The following TUSC3 variants were observed in gnomAD, a reference collection of about 807,000 sequenced individuals.
TUSC3 encodes dolichyl-diphosphooligosaccharide--protein glycosyltransferase subunit TUSC3.
In TUSC3, 45 loss-of-function variants were observed where a neutral mutation model predicts 44.8. The ratio of observed to expected loss-of-function variants is 1.00; its 90% CI spans 0.79 to 1.29. The LOEUF is 1.29. Among genes scored for constraint, TUSC3 ranks in the 50% most tolerant of loss-of-function variants. TUSC3 has a pLI of 0.00. For synonymous variants in TUSC3, 212 were observed against 152.9 expected (o/e 1.39, Z -2.85); for missense variants, 519 against 437.9 (o/e 1.19, Z -1.65).
At chr8:15,524,298 C>G (rs1363698873) in intron 2 of TUSC3, among the ~76,000 whole-genome samples, 1 of 151,932 alleles carries the variant, frequency 6.6e-6, no homozygotes, top group Non-Finnish European at 1.5e-5. Context: ...TACAAACCAA[C>G]CAGCCATAAT....
intron 2 of TUSC3, among the ~76,000 whole-genome samples, chr8:15,625,200 A>G (rs1805444615): frequency 6.6e-6 from 1 of 152,040 alleles, no homozygotes; most frequent in Non-Finnish European, 1.5e-5. Flanking sequence ...ATACTATTTA[A>G]TTGTGTCATA....
At chr8:15,545,632 C>T (rs895273343) in intron 1 of TUSC3, among the ~76,000 whole-genome samples, 1 of 151,640 alleles carries the variant, frequency 6.6e-6, no homozygotes, top group Admixed American at 6.6e-5. Context: ...AGAACATTTT[C>T]AGGGTATTTT....
chr8:15,613,209 A>G (rs950485602), intron 1 of TUSC3, among the ~76,000 whole-genome samples: 11 of 149,574 alleles, frequency 7.4e-5, no homozygotes, highest in African/African-American at 2.7e-4. Context: ...GGACAATGGG[A>G]TTCATGTAAC....
intron 2 of TUSC3, among the ~76,000 whole-genome samples, chr8:15,625,087 A>C (rs568410450): frequency 4.7e-4 from 72 of 152,266 alleles, no homozygotes; most frequent in Non-Finnish European, 8.5e-4. Context: ...GCATTAAAAA[A>C]ATTTTTTTTG....
At chr8:15,744,011 C>T (rs1054257453) in intron 8 of TUSC3, among the ~76,000 whole-genome samples, 1 of 152,128 alleles carries the variant, frequency 6.6e-6, no homozygotes, top group Non-Finnish European at 1.5e-5. Context: ...GCGCTCAAAG[C>T]GTGACTTAGA....
chr8:15,424,499 C>T (rs536063815), intron 1 of TUSC3, among the ~76,000 whole-genome samples: 6 of 152,254 alleles, frequency 3.9e-5, no homozygotes, highest in African/African-American at 1.4e-4. Context: ...CTGAGATTAA[C>T]GTTTCTGGGC....
At position 15,735,877 on chromosome 8, in the gene TUSC3, T is replaced by TG. The variant is rs35590102; in HGVS notation, c.862+5148_862+5149insG. On this transcript the variant is annotated intron_variant, in intron 7 of 10. Transcript: ENST00000503731. ...GCCACACCCGGCTAATGGGTTTTTTTTTTTTGTTTTTTTGGTTTTTTTTTG... is the reference window on the plus strand; with the variant it reads ...GCCACACCCGGCTAATGGGTTTTTTTGTTTTTGTTTTTTTGGTTTTTTTTTG... 9.1e-3 allele frequency among the ~76,000 whole-genome samples: 107 copies of TG among 11,802 alleles called. 1 individual carries two copies. The highest frequency in any genetic ancestry group is 0.034 in the African/African-American group (104 of 3,064). The allele number at this position is 11,802 out of a possible 152,430, so 7.7% of individuals were successfully genotyped here.
At chr8:15,729,206 A>T (rs974225030) in intron 6 of TUSC3, among the ~76,000 whole-genome samples, 7 of 152,220 alleles carry the variant, frequency 4.6e-5, no homozygotes, top group Non-Finnish European at 7.3e-5. Context: ...TATGTTAGTC[A>T]GTGATGTAAA....
downstream of TUSC3, among the ~76,000 whole-genome samples, chr8:15,771,178 T>C (rs55698643): frequency 0.2 from 30,306 of 152,170 alleles, 3,946 homozygotes; most frequent in Non-Finnish European, 0.29. Context: ...AAGGATAAAG[T>C]AGTACCTTCC....
intron 1 of TUSC3, among the ~76,000 whole-genome samples, chr8:15,591,261 A>G (rs1190432787): frequency 6.6e-6 from 1 of 152,176 alleles, no homozygotes; most frequent in Non-Finnish European, 1.5e-5. Flanking sequence ...TTTTATTAAA[A>G]TAGTTTTTCA....
At chr8:15,734,891 T>C (rs1350066166) in intron 7 of TUSC3, among the ~76,000 whole-genome samples, 1 of 152,082 alleles carries the variant, frequency 6.6e-6, no homozygotes, top group Non-Finnish European at 1.5e-5. Flanking sequence ...TTTGAGGAGA[T>C]TGGTGAAAGT....
At chr8:15,596,741 T>C (rs1215440548) in intron 1 of TUSC3, among the ~76,000 whole-genome samples, 1 of 152,164 alleles carries the variant, frequency 6.6e-6, no homozygotes, top group Admixed American at 6.6e-5. Flanking sequence ...TCAGAGAATT[T>C]ATGTTGCTGA....
rs568172876 is a variant in TUSC3, at chr8:15,465,039, A to G, written n.92-18347A>G. ...TAATTTTTGTATTTTTAGTAGAGACAGAGTTTCACTATGTTGGCCAGGATG... is the reference window on the plus strand; with the variant it reads ...TAATTTTTGTATTTTTAGTAGAGACGGAGTTTCACTATGTTGGCCAGGATG... On this transcript the variant is annotated intron_variant and non_coding_transcript_variant, in intron 1 of 5. Coordinates refer to the TUSC3 transcript ENST00000503191. 1.6e-4 allele frequency among the ~76,000 whole-genome samples: 25 copies of G among 152,246 alleles called. 1 individual carries two copies. Among genetic ancestry groups the G allele is most frequent in the African/African-American group, 5.1e-4 (21 of 41,546 alleles).
chr8:15,641,126 C>T (rs1029631985), intron 2 of TUSC3, among the ~76,000 whole-genome samples: 13 of 151,740 alleles, frequency 8.6e-5, no homozygotes, highest in East Asian at 1.9e-4. Flanking sequence ...TTTGGGAGGC[C>T]GAGGTGGGCA....
chr8:15,607,957 G>C (rs963776318), intron 1 of TUSC3, among the ~76,000 whole-genome samples: 16 of 152,092 alleles, frequency 1.1e-4, no homozygotes, highest in Non-Finnish European at 2.2e-4. Context: ...TAATTTACCT[G>C]AACTGGAATA....
intron 2 of TUSC3, among the ~76,000 whole-genome samples, chr8:15,500,373 A>C (rs570955950): frequency 6.6e-6 from 1 of 152,190 alleles, no homozygotes; most frequent in Non-Finnish European, 1.5e-5. Flanking sequence ...ATTACCACCA[A>C]AGGTCCCATA....
chr8:15,672,380 A>G (rs928332229), intron 5 of TUSC3, among the ~76,000 whole-genome samples: 4 of 152,020 alleles, frequency 2.6e-5, no homozygotes, highest in South Asian at 2.1e-4. Context: ...GACTTGCTCA[A>G]TGTTTAAATG....
the TUSC3 span, among the ~76,000 whole-genome samples, chr8:15,826,860 G>C: frequency 2.0e-5 from 3 of 152,160 alleles, no homozygotes; most frequent in African/African-American, 7.2e-5. Context: ...TGTTTGTTGT[G>C]AGGAGTATAT....
At chr8:15,640,700 C>A (rs1333616732) in intron 2 of TUSC3, among the ~76,000 whole-genome samples, 1 of 152,086 alleles carries the variant, frequency 6.6e-6, no homozygotes, top group Admixed American at 6.5e-5. Context: ...TATATTGATA[C>A]TGGCATATAT....
Sources: gnomAD v4.1 joint callset for allele counts (sites outside exome capture counted in the v4.1 genomes callset) on GRCh38, gnomAD v4.1.1 for gene constraint, MANE v1.5 for transcripts, NCBI Gene and HGNC (gene_info 2026-07-23, HGNC 2026-07-21) for gene names.